Variants in CTNNA2 observed in about 807,000 individuals in gnomAD.
CTNNA2 encodes catenin alpha 2.
Under a neutral mutation model 101.0 loss-of-function variants are expected in CTNNA2, and 42 were observed. That is an observed-to-expected ratio of 0.42 (90% CI 0.32 to 0.54). The LOEUF (loss-of-function observed/expected upper bound fraction) is 0.54. Among genes scored for constraint, CTNNA2 ranks in the 20% least tolerant of loss-of-function variants. The probability of loss-of-function intolerance (pLI) is 0.14; values close to 1 mark genes in which losing one functional copy is unlikely to be tolerated. For missense variants in CTNNA2, 871 were observed against 1,223.1 expected (o/e 0.71, Z 4.29); for synonymous variants, 450 against 456.4 (o/e 0.99, Z 0.18).
At chr2:79,862,117 C>T (rs920574834) in intron 4 of CTNNA2, among the ~76,000 whole-genome samples, 4 of 152,192 alleles carry the variant, frequency 2.6e-5, no homozygotes, top group African/African-American at 9.7e-5. Context: ...GACACATAAA[C>T]TCATGTAGAT....
At chr2:79,862,838 G>A (rs934787515) in intron 4 of CTNNA2, among the ~76,000 whole-genome samples, 3 of 152,132 alleles carry the variant, frequency 2.0e-5, no homozygotes, top group African/African-American at 7.2e-5. Flanking sequence ...ATATAATTAT[G>A]ATGCTTTCTT....
chr2:80,179,064 G>A (rs535109240), intron 7 of CTNNA2, among the ~76,000 whole-genome samples: 1 of 152,338 alleles, frequency 6.6e-6, no homozygotes, highest in Non-Finnish European at 1.5e-5. Flanking sequence ...ATGTACCCCT[G>A]AGGTAGGACA....
chr2:80,321,458 GAGATGA>G (rs1265910569), intron 7 of CTNNA2, among the ~76,000 whole-genome samples: 3 of 152,210 alleles, frequency 2.0e-5, no homozygotes, highest in Non-Finnish European at 2.9e-5. Flanking sequence ...AGTACGCATT[GAGATGA>G]AGTGAAAGAA....
chr2:79,329,331 G>A (rs1264604309), intron 3 of CTNNA2, among the ~76,000 whole-genome samples: 1 of 152,166 alleles, frequency 6.6e-6, no homozygotes, highest in Non-Finnish European at 1.5e-5. Context: ...GAACAAGTAT[G>A]TGGATATTTA....
intron 7 of CTNNA2, among the ~76,000 whole-genome samples, chr2:80,091,549 C>T (rs562274226): frequency 2.6e-5 from 4 of 152,142 alleles, no homozygotes; most frequent in East Asian, 1.9e-4. Context: ...GGATACTCTC[C>T]GCCTGCAGTC....
rs10655675 is a variant in CTNNA2 at position 80,089,527 on chromosome 2, CT to C, written c.1056+179740del. Among the ~76,000 whole-genome samples, 169 of 148,868 alleles carry C rather than the reference CT, an allele frequency of 1.1e-3. No individual in the cohort carries two copies. The East Asian group carries it at 0.022, about 19-fold the overall frequency. ...TTCCAACCAATTACGCTCATAGATA[CT>C]TTTTTTTTTATTTTAACGGTTTCAC... is the stretch of plus-strand genomic sequence containing the variant. On this transcript the variant is annotated intron_variant, in intron 7 of 18. Coordinates refer to ENST00000402739, the MANE Select transcript of CTNNA2 (RefSeq NM_001282597.3).
At chr2:80,169,386 A>C (rs961320343) in intron 7 of CTNNA2, among the ~76,000 whole-genome samples, 1 of 152,216 alleles carries the variant, frequency 6.6e-6, no homozygotes, top group Non-Finnish European at 1.5e-5. Context: ...GAGAAATCCA[A>C]TCAGAATCTG....
At chr2:80,460,750 A>G (rs1431954770) in intron 9 of CTNNA2, among the ~76,000 whole-genome samples, 1 of 152,168 alleles carries the variant, frequency 6.6e-6, no homozygotes, top group Non-Finnish European at 1.5e-5. Context: ...TATTTAAAAT[A>G]TCTTGTACAT....
chr2:80,346,267 C>A (rs1672726264), intron 7 of CTNNA2, among the ~76,000 whole-genome samples: 1 of 152,158 alleles, frequency 6.6e-6, no homozygotes, highest in Admixed American at 6.5e-5. Flanking sequence ...GCAGGCTGTA[C>A]AGGAAGCATG....
intron 7 of CTNNA2, among the ~76,000 whole-genome samples, chr2:80,326,985 T>TG (rs1425385181): frequency 2.0e-5 from 3 of 152,170 alleles, no homozygotes; most frequent in South Asian, 2.1e-4. Context: ...TCTCTAGGTG[T>TG]GTTCCTAAGG....
At chr2:80,199,182 GAAAAAA>G (rs70940076) in intron 7 of CTNNA2, among the ~76,000 whole-genome samples, 857 of 39,990 alleles carry the variant, frequency 0.021, 3 homozygotes, top group African/African-American at 0.069. Flanking sequence ...CTCCATCTCA[GAAAAAA>G]AAAAAAAAAA....
At chr2:79,237,160 A>G (rs1674567943) in intron 2 of CTNNA2, among the ~76,000 whole-genome samples, 1 of 152,246 alleles carries the variant, frequency 6.6e-6, no homozygotes, top group Non-Finnish European at 1.5e-5. Context: ...CTCTTGATCC[A>G]TGGACTGCAG....
intron 4 of CTNNA2, among the ~76,000 whole-genome samples, chr2:79,416,264 T>C (rs77064026): frequency 0.25 from 34,091 of 134,586 alleles, 3,480 homozygotes; most frequent in South Asian, 0.42. Flanking sequence ...TTTCTTTTTT[T>C]TTTTTTTTTT....
intron 4 of CTNNA2, among the ~76,000 whole-genome samples, chr2:79,434,030 A>G (rs758581928): frequency 6.6e-6 from 1 of 152,176 alleles, no homozygotes; most frequent in East Asian, 1.9e-4. Flanking sequence ...GCAGCAGCTC[A>G]TACCTGTAAT....
In CTNNA2 at chr2:79,348,625, C is replaced by T. The variant is rs367704901; in HGVS notation, c.-317-25206C>T. 3.9e-5 allele frequency among the ~76,000 whole-genome samples: 6 copies of T among 152,156 alleles called. No individual in the cohort carries two copies. In the East Asian group the frequency reaches 1.2e-3, roughly 29 times the overall value. ...TTTGTGGTTATGTGTCTGCTTCTGC[C>T]TAAAAGGTAACTAGGGTATGAAGTC... On this transcript the variant is annotated intron_variant, in intron 3 of 21. Transcript: ENST00000466387.
chr2:79,300,057 A>C (rs1311596446), intron 2 of CTNNA2, among the ~76,000 whole-genome samples: 1 of 152,172 alleles, frequency 6.6e-6, no homozygotes, highest in African/African-American at 2.4e-5. Context: ...ATATTGATAC[A>C]TCACTAACAG....
At chr2:79,288,618 C>T (rs531011634) in intron 2 of CTNNA2, among the ~76,000 whole-genome samples, 1 of 152,310 alleles carries the variant, frequency 6.6e-6, no homozygotes, top group East Asian at 1.9e-4. Flanking sequence ...TCTCTCTCCA[C>T]ATGGTCTTTC....
chr2:80,622,833 C>A (rs1422102465), intron 18 of CTNNA2, among the ~76,000 whole-genome samples: 1 of 151,128 alleles, frequency 6.6e-6, no homozygotes, highest in African/African-American at 2.4e-5. Context: ...TACCTAGCCC[C>A]TTTACCAGAT....
At chr2:80,338,864 C>T (rs531940794) in intron 7 of CTNNA2, among the ~76,000 whole-genome samples, 3 of 152,100 alleles carry the variant, frequency 2.0e-5, no homozygotes, top group Admixed American at 6.5e-5. Context: ...TTGGATAGGC[C>T]AGGAGCAAAA....
Sources: gnomAD v4.1 joint callset for allele counts (sites outside exome capture counted in the v4.1 genomes callset) on GRCh38, gnomAD v4.1.1 for gene constraint, MANE v1.5 for transcripts, NCBI Gene and HGNC (gene_info 2026-07-23, HGNC 2026-07-21) for gene names.